ZNF385D: variants seen among roughly 807,000 people sequenced by gnomAD.
ZNF385D encodes zinc finger protein 659.
Under a neutral mutation model 35.8 loss-of-function variants are expected in ZNF385D, and 15 were observed. The ratio of observed to expected loss-of-function variants is 0.42; its 90% CI spans 0.28 to 0.64. The LOEUF (loss-of-function observed/expected upper bound fraction) is 0.64. ZNF385D is among the 30% of genes least tolerant of loss of function. The pLI, the probability that ZNF385D is intolerant of heterozygous loss-of-function variation, is 0.23. For synonymous variants in ZNF385D, 212 were observed against 186.8 expected (o/e 1.13, Z -1.10); for missense variants, 474 against 494.6 (o/e 0.96, Z 0.39).
At chr3:22,322,280 G>A (rs990401419) in intron 2 of ZNF385D, among the ~76,000 whole-genome samples, 8 of 151,956 alleles carry the variant, frequency 5.3e-5, no homozygotes, top group Non-Finnish European at 1.2e-4. Flanking sequence ...CTTCACAGAG[G>A]GACATGGATG....
At chr3:22,080,086 C>T (rs189533550) in intron 3 of ZNF385D, among the ~76,000 whole-genome samples, 8 of 152,122 alleles carry the variant, frequency 5.3e-5, no homozygotes, top group Admixed American at 4.6e-4. Context: ...GTTCAGGGAT[C>T]GTTTTATAAG....
In ZNF385D at chr3:22,350,405, G is replaced by A. The variant is rs372654313; in HGVS notation, c.106+22045C>T. ...TTACTCACCTTTGAACCCAAATGTG[G>A]ATGATATCATAATAAAATATTGACG... On this transcript the variant is annotated intron_variant, in intron 2 of 5. Transcript: ENST00000494108. 3.3e-5 allele frequency among the ~76,000 whole-genome samples: 5 copies of A among 152,054 alleles called. No individual in the cohort carries two copies. The East Asian group carries it at 5.8e-4, about 18-fold the overall frequency.
chr3:21,866,378 C>A (rs1179728686), intron 3 of ZNF385D, among the ~76,000 whole-genome samples: 1 of 152,080 alleles, frequency 6.6e-6, no homozygotes, highest in Admixed American at 6.6e-5. Context: ...CACTTGAACC[C>A]AGGAGGTGGA....
intron 3 of ZNF385D, among the ~76,000 whole-genome samples, chr3:21,886,667 G>C (rs1013682502): frequency 1.3e-5 from 2 of 152,102 alleles, no homozygotes; most frequent in African/African-American, 4.8e-5. Flanking sequence ...AGAAAGAAAT[G>C]GAGGTATAGA....
At chr3:21,612,367 G>A (rs1441791887) in intron 2 of ZNF385D, among the ~76,000 whole-genome samples, 1 of 152,086 alleles carries the variant, frequency 6.6e-6, no homozygotes, top group Non-Finnish European at 1.5e-5. Context: ...CAAAGTGCTG[G>A]AATTACAGGC....
At position 21,663,890 on chromosome 3, in the gene ZNF385D, AATATATATAT is replaced by A. The variant is rs66691637; in HGVS notation, c.165+986_165+995del. Among the ~76,000 whole-genome samples the A allele has an allele frequency of 4.0e-4, 26 of 64,424 alleles. 2 individuals carry two copies. The South Asian group carries it at 4.5e-3, about 11-fold the overall frequency. The allele number at this position is 64,424 out of a possible 152,430, so 42.3% of individuals were successfully genotyped here. A position where few individuals can be genotyped will look rare whatever the true frequency, so the allele number is the denominator to read the frequency against. Reference sequence around the variant, plus strand: ...TGAAGAATTATTTAATTGTGGGCCGAATATATATATATATATATATATATATATTTATTTA... The same window carrying A: ...TGAAGAATTATTTAATTGTGGGCCGAATATATATATATATATATTTATTTA... On this transcript the variant is annotated intron_variant, in intron 2 of 7. Coordinates refer to ENST00000281523, the MANE Select transcript of ZNF385D (RefSeq NM_024697.3).
At chr3:22,305,605 T>C (rs2125418343) in intron 2 of ZNF385D, among the ~76,000 whole-genome samples, 1 of 152,250 alleles carries the variant, frequency 6.6e-6, no homozygotes, top group East Asian at 1.9e-4. Context: ...GTATGGTGAA[T>C]GACCACACCA....
intron 2 of ZNF385D, among the ~76,000 whole-genome samples, chr3:22,249,297 T>TGC (rs1162683063): frequency 6.6e-6 from 1 of 152,182 alleles, no homozygotes; most frequent in East Asian, 1.9e-4. Context: ...AGCAACTGTC[T>TGC]TAATAAATGT....
chr3:21,949,220 A>G (rs1178250863), intron 3 of ZNF385D, among the ~76,000 whole-genome samples: 2 of 152,208 alleles, frequency 1.3e-5, no homozygotes, highest in African/African-American at 4.8e-5. Context: ...GCAAAATACT[A>G]CAAATATCTT....
chr3:21,606,469 C>A (rs2064487872), intron 2 of ZNF385D, among the ~76,000 whole-genome samples: 1 of 152,124 alleles, frequency 6.6e-6, no homozygotes, highest in Non-Finnish European at 1.5e-5. Context: ...AAATGGAACA[C>A]CATTAATATA....
intron 4 of ZNF385D, among the ~76,000 whole-genome samples, chr3:21,445,370 C>T (rs555490179): frequency 1.3e-5 from 2 of 152,290 alleles, no homozygotes; most frequent in Admixed American, 6.5e-5. Context: ...GACTTAAGCT[C>T]GCCCTCAGAA....
intron 2 of ZNF385D, among the ~76,000 whole-genome samples, chr3:21,636,414 A>ATATATAT (rs56114816): frequency 0.057 from 3,650 of 64,322 alleles, 369 homozygotes; most frequent in East Asian, 0.082. Flanking sequence ...ATATATATAT[A>ATATATAT]GAGTTTCTTA....
intron 2 of ZNF385D, among the ~76,000 whole-genome samples, chr3:22,276,709 C>T (rs901347467): frequency 6.6e-6 from 1 of 152,142 alleles, no homozygotes; most frequent in Non-Finnish European, 1.5e-5. Context: ...AGAGTATTTG[C>T]ATCTCCATTT....
chr3:21,864,891 A>G (rs573624774), intron 3 of ZNF385D, among the ~76,000 whole-genome samples: 1 of 151,914 alleles, frequency 6.6e-6, no homozygotes, highest in Admixed American at 6.6e-5. Context: ...GGTGTGTGAA[A>G]TGAAGCCTTG....
At chr3:21,689,347 A>T (rs375373776) in intron 1 of ZNF385D, among the ~76,000 whole-genome samples, 2 of 152,102 alleles carry the variant, frequency 1.3e-5, no homozygotes, top group African/African-American at 2.4e-5. Flanking sequence ...GCGGGGCAGC[A>T]TAAGCTCGAT....
intron 2 of ZNF385D, among the ~76,000 whole-genome samples, chr3:21,628,308 G>T (rs1016588200): frequency 4.6e-5 from 7 of 152,068 alleles, no homozygotes; most frequent in African/African-American, 1.7e-4. Flanking sequence ...TTTCAAAAAG[G>T]CAAGTAGCAT....
At chr3:21,554,603 C>G (rs1266303684) in intron 3 of ZNF385D, among the ~76,000 whole-genome samples, 1 of 152,158 alleles carries the variant, frequency 6.6e-6, no homozygotes, top group Non-Finnish European at 1.5e-5. Context: ...ATTGACTTCT[C>G]TCTCTAGCTA....
At chr3:21,746,648 C>G (rs1245751733) in intron 1 of ZNF385D, among the ~76,000 whole-genome samples, 1 of 152,174 alleles carries the variant, frequency 6.6e-6, no homozygotes, top group Non-Finnish European at 1.5e-5. Flanking sequence ...CTGAATTATT[C>G]TCACCCCTGT....
chr3:21,453,410 CT>C (rs1182624382), intron 4 of ZNF385D, among the ~76,000 whole-genome samples: 1 of 151,788 alleles, frequency 6.6e-6, no homozygotes, highest in Non-Finnish European at 1.5e-5. Flanking sequence ...TAAAAAAACA[CT>C]ACCAAAAAGT....
Sources: gnomAD v4.1 joint callset for allele counts (sites outside exome capture counted in the v4.1 genomes callset) on GRCh38, gnomAD v4.1.1 for gene constraint, MANE v1.5 for transcripts, NCBI Gene and HGNC (gene_info 2026-07-23, HGNC 2026-07-21) for gene names.